SYTL5: variants seen among roughly 807,000 people sequenced by gnomAD.
SYTL5 encodes the protein synaptotagmin like 5.
In SYTL5, 34 loss-of-function variants were observed where a neutral mutation model predicts 55.9. The observed-to-expected ratio is 0.61, with a 90% confidence interval of 0.46 to 0.81. The LOEUF (loss-of-function observed/expected upper bound fraction) is 0.81, where lower values mean the gene tolerates loss of function less well. Among genes scored for constraint, SYTL5 ranks in the 30% least tolerant of loss-of-function variants. The probability of loss-of-function intolerance (pLI) is 0.00; values close to 1 mark genes in which losing one functional copy is unlikely to be tolerated. For synonymous variants in SYTL5, 221 were observed against 188.7 expected, an observed-to-expected ratio of 1.17 and a Z score of -1.40; for missense variants, 637 against 546.7, an observed-to-expected ratio of 1.17 and a Z score of -1.65.
chrX:38,040,630 C>T (rs1442201546), intron 2 of SYTL5, among the ~76,000 whole-genome samples: 10 of 111,482 alleles, frequency 9.0e-5, no homozygotes, highest in Non-Finnish European at 1.9e-4. Context: ...ATCTCCAGAC[C>T]ATCCATGTTG....
chrX:38,098,177 GA>G (rs966045591), intron 9 of SYTL5, among the ~76,000 whole-genome samples: 13 of 109,692 alleles, frequency 1.2e-4, no homozygotes, highest in Non-Finnish European at 2.1e-4. Flanking sequence ...ATGTATTCAA[GA>G]AAAAAAACTG....
chrX:38,076,011 T>C (rs1187846055), intron 5 of SYTL5, among the ~76,000 whole-genome samples: 2 of 111,833 alleles, frequency 1.8e-5, no homozygotes, highest in Non-Finnish European at 3.8e-5. Context: ...GGCACAAGAA[T>C]AAATGTCATG....
intron 4 of SYTL5, 27 bp from the exon 5 acceptor site, chrX:38,073,563 T>C: frequency 9.3e-7 from 1 of 1,079,886 alleles, no homozygotes; most frequent in Non-Finnish European, 1.2e-6. Flanking sequence ...TGTATGTAAA[T>C]TTCTCTTCTG....
chrX:38,105,674 T>C (rs1021380401), intron 10 of SYTL5, among the ~76,000 whole-genome samples: 1 of 112,227 alleles, frequency 8.9e-6, no homozygotes, highest in South Asian at 3.7e-4. Context: ...TATTTTCCTT[T>C]CACATACTCA....
chrX:38,098,113 C>T (rs1936983509), intron 9 of SYTL5, among the ~76,000 whole-genome samples: 1 of 110,220 alleles, frequency 9.1e-6, no homozygotes, highest in African/African-American at 3.3e-5. Context: ...AGAAAATCTC[C>T]ATGACTTTCA....
intron 6 of SYTL5, among the ~76,000 whole-genome samples, chrX:38,082,882 G>T (rs1316460102): frequency 8.9e-6 from 1 of 112,129 alleles, no homozygotes; most frequent in Non-Finnish European, 1.9e-5. Flanking sequence ...TTGAAGTATG[G>T]TGTACAAGAG....
At chrX:37,934,631 T>C in the SYTL5 span, among the ~76,000 whole-genome samples, 1 of 105,141 alleles carries the variant, frequency 9.5e-6, no homozygotes, top group African/African-American at 3.6e-5. Context: ...TAATATTTCT[T>C]TTTTTTTTCT....
the SYTL5 span, among the ~76,000 whole-genome samples, chrX:37,930,578 G>A: frequency 8.9e-6 from 1 of 111,845 alleles, no homozygotes; most frequent in African/African-American, 3.2e-5. Flanking sequence ...GTACCAATCT[G>A]ACTGCCTTTC....
At chrX:37,943,225 T>C in the SYTL5 span, among the ~76,000 whole-genome samples, 1 of 112,052 alleles carries the variant, frequency 8.9e-6, no homozygotes, top group African/African-American at 3.2e-5. Context: ...TTTTTGTGAA[T>C]TGACACAGGT....
At chrX:38,042,383 G>A (rs1271043590) in intron 2 of SYTL5, among the ~76,000 whole-genome samples, 1 of 110,821 alleles carries the variant, frequency 9.0e-6, no homozygotes, top group Non-Finnish European at 1.9e-5. Flanking sequence ...GTAAATGTGG[G>A]TTTCATATTC....
At chrX:37,943,479 A>G in the SYTL5 span, among the ~76,000 whole-genome samples, 1 of 111,230 alleles carries the variant, frequency 9.0e-6, no homozygotes, top group Non-Finnish European at 1.9e-5. Flanking sequence ...CAGTGGGTGG[A>G]AAATTACTAA....
rs199844098 is a variant in SYTL5 at position 38,089,583 on chromosome X, G to T, written c.827G>T (p.Ser276Ile). Reference sequence around the variant, plus strand: ...ACACGAACTGTGACCTCAGTCATCAGTAGAGTAAGTACACAAACCTGATGA... The same window carrying T: ...ACACGAACTGTGACCTCAGTCATCATTAGAGTAAGTACACAAACCTGATGA... ...PSTRTVTSVI[S>I]REYGFENSMD... is the part of the protein sequence containing the mutation. The change falls in exon 7 of 17, where the codon AGT becomes ATT. Residue 276 changes from serine to isoleucine, a missense_variant. Ser to Ile is a moderately radical substitution (Grantham distance 142). Coordinates refer to ENST00000297875, the MANE Select transcript of SYTL5 (RefSeq NM_138780.3). The T allele has an allele frequency of 2.8e-5, 34 of 1,207,772 alleles. No individual in the cohort carries two copies. The highest frequency in any genetic ancestry group is 3.7e-5 in the Non-Finnish European group (33 of 893,976).
the SYTL5 span, among the ~76,000 whole-genome samples, chrX:37,972,908 T>C: frequency 1.8e-5 from 2 of 111,742 alleles, no homozygotes; most frequent in Admixed American, 1.9e-4. Context: ...TAAAGTATTG[T>C]GGAGACCAAG....
the SYTL5 span, among the ~76,000 whole-genome samples, chrX:37,944,585 G>T: frequency 9.0e-6 from 1 of 111,020 alleles, no homozygotes; most frequent in African/African-American, 3.3e-5. Context: ...GTGGGCAGTG[G>T]GGCAAAAAAT....
At chrX:37,903,125 T>G in the SYTL5 span, among the ~76,000 whole-genome samples, 1 of 111,217 alleles carries the variant, frequency 9.0e-6, no homozygotes, top group Non-Finnish European at 1.9e-5. Context: ...GTTCAACCAT[T>G]GTGGAAGTCA....
intron 2 of SYTL5, among the ~76,000 whole-genome samples, chrX:38,051,929 T>C (rs891031482): frequency 1.8e-5 from 2 of 111,248 alleles, no homozygotes; most frequent in African/African-American, 6.5e-5. Flanking sequence ...CAAGGGGAAG[T>C]GAGGCTGAGA....
At chrX:38,078,647 A>T (rs892853808) in intron 6 of SYTL5, among the ~76,000 whole-genome samples, 5 of 112,400 alleles carry the variant, frequency 4.4e-5, no homozygotes, top group Non-Finnish European at 9.4e-5. Context: ...ACAGTTACTC[A>T]ACAAGAATAA....
intron 1 of SYTL5, among the ~76,000 whole-genome samples, chrX:38,008,046 T>G (rs1314609981): frequency 9.0e-6 from 1 of 111,576 alleles, no homozygotes; most frequent in Non-Finnish European, 1.9e-5. Flanking sequence ...GTATTTTTGT[T>G]GAAATTACTT....
intron 13 of SYTL5, among the ~76,000 whole-genome samples, chrX:38,119,609 T>A (rs758891407): frequency 7.5e-4 from 84 of 112,566 alleles, no homozygotes; most frequent in African/African-American, 2.6e-3. Context: ...TGGTTTCCAG[T>A]TTTTACTATT....
Sources: allele counts gnomAD v4.1 joint callset (sites outside exome capture counted in the v4.1 genomes callset), GRCh38; gene constraint gnomAD v4.1.1; transcripts MANE v1.5; gene names NCBI Gene and HGNC (gene_info 2026-07-23, HGNC 2026-07-21).